The following ASH1L variants were observed in gnomAD, a reference collection of about 807,000 sequenced individuals.
The protein encoded by ASH1L is histone-lysine N-methyltransferase ASH1L.
A neutral mutation model predicts 269.0 loss-of-function variants in ASH1L; 23 were observed. That is an observed-to-expected ratio of 0.09 (90% confidence interval 0.06 to 0.12). The LOEUF (loss-of-function observed/expected upper bound fraction) is 0.12, where lower values mean the gene tolerates loss of function less well. Among genes scored for constraint, ASH1L ranks in the 10% least tolerant of loss-of-function variants. The probability of loss-of-function intolerance (pLI) is 1.00; values close to 1 mark genes in which losing one functional copy is unlikely to be tolerated. For missense variants in ASH1L, 2,912 were observed against 3,567.8 expected (o/e 0.82, Z 4.68); for synonymous variants, 1,187 against 1,253.5 (o/e 0.95, Z 1.12).
chr1:155,343,225 C>T lies in ASH1L; in HGVS notation c.8293+89G>A, dbSNP rs1359889701. On this transcript the variant is annotated intron_variant, in intron 24 of 27. Transcript: ENST00000392403. This position sits in a 1 kb window ranked among gnomAD's most constrained non-coding sequence, Gnocchi z 6.1. ...CACACTCCTGGGCTTAAGCAATCTGCCTGCCTCGGCCTCCCACACCGCTGG... is the reference window on the plus strand; with the variant it reads ...CACACTCCTGGGCTTAAGCAATCTGTCTGCCTCGGCCTCCCACACCGCTGG... The T allele has an allele frequency of 7.6e-6, 11 of 1,442,782 alleles. No homozygotes were observed. The highest frequency in any genetic ancestry group is 1.3e-5 in the South Asian group (1 of 74,632). 89.4% of individuals were successfully genotyped at this position (1,442,782 alleles called of 1,614,324 possible). A position where few individuals can be genotyped will look rare whatever the true frequency, so the allele number is the denominator to read the frequency against.
intron 1 of ASH1L, among the ~76,000 whole-genome samples, chr1:155,548,471 C>G (rs1400804136): frequency 6.6e-6 from 1 of 152,128 alleles, no homozygotes; most frequent in South Asian, 2.1e-4. Context: ...TGCAGTGAAC[C>G]TAGATGGCAC....
intron 1 of ASH1L, among the ~76,000 whole-genome samples, chr1:155,533,097 G>C (rs1669801505): frequency 6.6e-6 from 1 of 151,644 alleles, no homozygotes. Flanking sequence ...TTCAGGGGTA[G>C]AAAGGGAATA....
chr1:155,371,640 C>T (rs1275732493), intron 10 of ASH1L, among the ~76,000 whole-genome samples: 1 of 151,186 alleles, frequency 6.6e-6, no homozygotes, highest in Non-Finnish European at 1.5e-5. Flanking sequence ...TATTTTGAAG[C>T]ACTCATGCCC....
rs912662726 is a variant in ASH1L at position 155,442,325 on chromosome 1, C to T, written c.5087-3257G>A. On this transcript the variant is annotated intron_variant, in intron 4 of 27. Coordinates refer to ENST00000392403, the MANE Select transcript of ASH1L (RefSeq NM_018489.3). ...CACAAAGGCCCGGCAAGGTGGCTTA[C>T]GCCTGTAATCCCAGCACTTTGGGAG... 5.9e-5 allele frequency among the ~76,000 whole-genome samples: 9 copies of T among 151,866 alleles called. No homozygotes were observed. The East Asian group carries it at 9.7e-4, about 16-fold the overall frequency.
chr1:155,416,457 C>T (rs2148544181), intron 5 of ASH1L, among the ~76,000 whole-genome samples: 1 of 152,116 alleles, frequency 6.6e-6, no homozygotes, highest in Non-Finnish European at 1.5e-5. Flanking sequence ...AGATACTGGA[C>T]AACAGTTAAT....
At chr1:155,559,908 C>T (rs1671843656) in intron 1 of ASH1L, among the ~76,000 whole-genome samples, 1 of 152,168 alleles carries the variant, frequency 6.6e-6, no homozygotes, top group African/African-American at 2.4e-5. Context: ...ACCCACTTCT[C>T]AGAGTTTAGG....
At position 155,378,393 on chromosome 1, in the gene ASH1L, GAA is replaced by G. The variant is rs773623673; in HGVS notation, c.6224-6_6224-5del. On this transcript the variant is annotated splice_polypyrimidine_tract_variant and splice_region_variant and intron_variant, in intron 9 of 27. Coordinates refer to ENST00000392403, the MANE Select transcript of ASH1L (RefSeq NM_018489.3). ...GGTTTGACATCAACGTAGACATCTT[GAA>G]AAGAAAGCAAAGAATAGTTTGTGAA... The G allele has an allele frequency of 6.2e-7, 1 of 1,613,452 alleles. No individual in the cohort carries two copies. Among genetic ancestry groups the G allele is most frequent in the Admixed American group, 1.7e-5 (1 of 59,998 alleles).
intron 12 of ASH1L, among the ~76,000 whole-genome samples, chr1:155,363,144 T>TAG (rs1655111134): frequency 1.3e-5 from 2 of 152,240 alleles, no homozygotes. Flanking sequence ...CCACCACGCC[T>TAG]GGCTAATTTT....
chr1:155,562,383 G>A lies in ASH1L; in HGVS notation c.-330C>T, dbSNP rs776631056. ...AGGCGGGTCCCGCAACCGAGACTGG[G>A]ATCGTCTCCCCTCCGCAAAGCGAAC... is the stretch of plus-strand genomic sequence containing the variant. On this transcript the variant is annotated 5_prime_UTR_variant, in exon 1 of 28. Coordinates refer to ENST00000392403, the MANE Select transcript of ASH1L (RefSeq NM_018489.3). The A allele has an allele frequency of 2.0e-6, 3 of 1,505,414 alleles. No individual in the cohort carries two copies. Among genetic ancestry groups the A allele is most frequent in the Non-Finnish European group, 2.7e-6 (3 of 1,106,606 alleles). The allele number at this position is 1,505,414 out of a possible 1,614,324, so 93.3% of individuals were successfully genotyped here. A position where few individuals can be genotyped will look rare whatever the true frequency, so the allele number is the denominator to read the frequency against.
chr1:155,399,616 G>T (rs1364400867), intron 6 of ASH1L, among the ~76,000 whole-genome samples: 1 of 151,970 alleles, frequency 6.6e-6, no homozygotes, highest in Non-Finnish European at 1.5e-5. Context: ...TCCAGTCTGG[G>T]TGATAAAGTG....
intron 15 of ASH1L, among the ~76,000 whole-genome samples, chr1:155,356,933 T>TA (rs761373093): frequency 0.015 from 1,836 of 119,874 alleles, 35 homozygotes; most frequent in African/African-American, 0.053. Flanking sequence ...TACAAAAAAT[T>TA]TAAAAAAAAA....
chr1:155,388,838 G>C lies in ASH1L; in HGVS notation c.6103+6621C>G, dbSNP rs538670648. Among the ~76,000 whole-genome samples the C allele has an allele frequency of 9.9e-5, 15 of 150,902 alleles. No homozygotes were observed. In the South Asian group the frequency reaches 3.1e-3, roughly 32 times the overall value. On this transcript the variant is annotated intron_variant, in intron 7 of 27. Coordinates refer to ENST00000392403, the MANE Select transcript of ASH1L (RefSeq NM_018489.3). ...GGGCTCAAGTGATCCTCCTGCCTCA[G>C]CCTCCTGAGTAGGCATGTACCACCG...
intron 6 of ASH1L, 68 bp downstream of exon 6, chr1:155,415,676 T>C: frequency 6.6e-7 from 1 of 1,514,524 alleles, no homozygotes; most frequent in Non-Finnish European, 9.0e-7. Context: ...TATTGTTTTT[T>C]GATAGTCAAA....
chr1:155,509,219 C>T (rs1467037566), intron 2 of ASH1L, among the ~76,000 whole-genome samples: 2 of 152,092 alleles, frequency 1.3e-5, no homozygotes, highest in East Asian at 3.9e-4. Context: ...ATGGCTCACA[C>T]CTGTAATCCT....
chr1:155,533,741 T>G (rs1273258813), intron 1 of ASH1L, among the ~76,000 whole-genome samples: 1 of 151,060 alleles, frequency 6.6e-6, no homozygotes, highest in African/African-American at 2.4e-5. Context: ...AAAGAAAAGA[T>G]CATCTTTAGT....
intron 6 of ASH1L, among the ~76,000 whole-genome samples, chr1:155,397,861 A>C (rs1658498785): frequency 6.6e-6 from 1 of 152,328 alleles, no homozygotes; most frequent in African/African-American, 2.4e-5. Context: ...GCACCTGGCC[A>C]GGTTATCTTA....
At chr1:155,351,297 C>A (rs1429825269) in intron 17 of ASH1L, among the ~76,000 whole-genome samples, 1 of 151,712 alleles carries the variant, frequency 6.6e-6, no homozygotes, top group African/African-American at 2.4e-5. Context: ...CGCCTGTAAT[C>A]CCAGCACTTT....
At position 155,438,921 on chromosome 1, in the gene ASH1L, G is replaced by A. The variant is rs750360471; in HGVS notation, c.5234C>T (p.Pro1745Leu). ...DAVIATASAPPSSSPGRSHSK... is the reference protein window; with the variant it reads ...DAVIATASAPLSSSPGRSHSK... Reference sequence around the variant, plus strand: ...GTGGCTACGGCCTGGACTGGAAGAAGGTGGTGCAGAGGCAGTTGCAATCAC... The same window carrying A: ...GTGGCTACGGCCTGGACTGGAAGAAAGTGGTGCAGAGGCAGTTGCAATCAC... The change falls in exon 5 of 28, where the codon CCT becomes CTT. Residue 1745 changes from proline (P) to leucine (L), a missense_variant. Pro to Leu is a moderately conservative substitution (Grantham distance 98). Transcript: ENST00000392403. 11 of 1,614,062 alleles carry A rather than the reference G, an allele frequency of 6.8e-6. No individual in the cohort carries two copies. In the South Asian group the frequency reaches 1.1e-4, roughly 16 times the overall value.
At chr1:155,376,129 G>GTT (rs1656416960) in intron 10 of ASH1L, among the ~76,000 whole-genome samples, 1 of 152,106 alleles carries the variant, frequency 6.6e-6, no homozygotes, top group Non-Finnish European at 1.5e-5. Flanking sequence ...TACTGAGCTT[G>GTT]TGGACCACAC....
Sources: gnomAD v4.1 joint callset for allele counts (sites outside exome capture counted in the v4.1 genomes callset) on GRCh38, gnomAD v4.1.1 for gene constraint, Gnocchi (gnomAD v3.1) non-coding constraint, MANE v1.5 for transcripts, NCBI Gene and HGNC (gene_info 2026-07-23, HGNC 2026-07-21) for gene names.